Variants in VPS13D observed in about 807,000 individuals in gnomAD.
VPS13D encodes the protein intermembrane lipid transfer protein VPS13D.
In VPS13D, 187 loss-of-function variants were observed where a neutral mutation model predicts 461.9. The ratio of observed to expected loss-of-function variants is 0.40; its 90% CI spans 0.36 to 0.46. The LOEUF (loss-of-function observed/expected upper bound fraction) is 0.46. Ranked by LOEUF, VPS13D falls within the 20% of genes least tolerant of loss-of-function variation. VPS13D has a pLI of 0.60. For missense variants in VPS13D, 4,711 were observed against 5,364.9 expected (o/e 0.88, Z 3.81); for synonymous variants, 1,951 against 1,986.3 (o/e 0.98, Z 0.47).
chr1:12,310,735 C>T (rs770904379), intron 27 of VPS13D, among the ~76,000 whole-genome samples: 1 of 152,102 alleles, frequency 6.6e-6, no homozygotes, highest in Non-Finnish European at 1.5e-5. Context: ...TTACCTCATA[C>T]TAGGTTTAAG....
intron 60 of VPS13D, among the ~76,000 whole-genome samples, chr1:12,390,324 A>G (rs1372228224): frequency 2.0e-5 from 3 of 152,056 alleles, no homozygotes; most frequent in East Asian, 3.9e-4. Context: ...CCCAGCTATT[A>G]TCATCTAGTT....
In VPS13D at chr1:12,293,690, A is replaced by G. The variant is rs530181462; in HGVS notation, c.6019A>G (p.Ile2007Val). The change falls in exon 24 of 70, where the codon ATT becomes GTT. Residue 2007 changes from isoleucine (I) to valine (V), a missense_variant. Physicochemically the swap from Ile to Val is conservative, Grantham distance 29. Around this residue, in one of 3 missense-constraint regions of VPS13D, gnomAD observed 4,411 missense variants for 4,937.8 expected, o/e 0.89. Coordinates refer to ENST00000620676, the MANE Select transcript of VPS13D (RefSeq NM_015378.4). ...TGTCTTAGGGCGCCAGCGAGCTGCT[A>G]TTGAGGGGCAGACGGTAGGTAGCCT... Reference protein sequence around the residue: ...QDVLGRQRAAIEGQTVRDQAQ... With the variant: ...QDVLGRQRAAVEGQTVRDQAQ... 1.7e-5 allele frequency: 27 copies of G among 1,613,748 alleles called. No homozygotes were observed. The highest frequency in any genetic ancestry group is 2.2e-5 in the East Asian group (1 of 44,878).
intron 56 of VPS13D, 93 bp downstream of exon 56, chr1:12,378,684 A>C: frequency 1.5e-6 from 2 of 1,290,818 alleles, no homozygotes; most frequent in Non-Finnish European, 2.0e-6. Context: ...TCTATAAATA[A>C]AGTAAAAATG....
At chr1:12,478,584 C>T (rs991534066) in intron 67 of VPS13D, 7 of 347,356 alleles carry the variant, frequency 2.0e-5, no homozygotes, top group African/African-American at 1.1e-4. Flanking sequence ...AGCTGCCATT[C>T]AGAACTTGCC....
chr1:12,324,591 A>C (rs895157461), intron 35 of VPS13D, among the ~76,000 whole-genome samples: 1 of 152,188 alleles, frequency 6.6e-6, no homozygotes, highest in Non-Finnish European at 1.5e-5. Context: ...AAGTGGCTTT[A>C]ACCTCTGTGA....
intron 2 of VPS13D, among the ~76,000 whole-genome samples, chr1:12,235,080 T>C (rs1239549738): frequency 6.6e-6 from 1 of 152,252 alleles, no homozygotes; most frequent in East Asian, 1.9e-4. Flanking sequence ...TGGAGCTTTT[T>C]AACATACGTA....
At chr1:12,501,552 G>A (rs1646035557) in intron 68 of VPS13D, among the ~76,000 whole-genome samples, 1 of 152,234 alleles carries the variant, frequency 6.6e-6, no homozygotes, top group Non-Finnish European at 1.5e-5. Context: ...CATGTGTCCA[G>A]CATCCAAAGT....
At chr1:12,461,571 C>T (rs970915758) in intron 67 of VPS13D, among the ~76,000 whole-genome samples, 3 of 152,226 alleles carry the variant, frequency 2.0e-5, no homozygotes, top group African/African-American at 7.2e-5. Flanking sequence ...GAGGGGCAGG[C>T]AGTGAGGAGG....
intron 13 of VPS13D, 96 bp downstream of exon 13, chr1:12,262,176 GT>G (rs1641130730): frequency 7.2e-7 from 1 of 1,383,942 alleles, no homozygotes; most frequent in Non-Finnish European, 9.7e-7. Flanking sequence ...AGTCTAGAAA[GT>G]CAGTGCGAAA....
In VPS13D at chr1:12,451,052, C is replaced by A. The variant is rs377569581; in HGVS notation, c.12334-4946C>A. Among the ~76,000 whole-genome samples, 5 of 152,194 alleles carry A rather than the reference C, an allele frequency of 3.3e-5. 1 individual carries two copies. In the East Asian group the frequency reaches 5.8e-4, roughly 18 times the overall value. On this transcript the variant is annotated intron_variant, in intron 65 of 69. Transcript: ENST00000620676. ...CAGCTCCTGTTACACTGGCCAAATG[C>A]CTTTGGCACCCCATGCTTGCTGAAG...
Position 12,509,448 on chromosome 1 carries a change from C to G in VPS13D, c.*424C>G, listed in dbSNP as rs1267873088. The G allele has an allele frequency of 6.5e-6, 1 of 154,154 alleles. No homozygotes were observed. Among genetic ancestry groups the G allele is most frequent in the Non-Finnish European group, 1.4e-5 (1 of 69,160 alleles). The allele number at this position is 154,154 out of a possible 1,614,324, so 9.5% of individuals were successfully genotyped here. A position where few individuals can be genotyped will look rare whatever the true frequency, so the allele number is the denominator to read the frequency against. On this transcript the variant is annotated 3_prime_UTR_variant, in exon 70 of 70. Transcript: ENST00000620676. ...TATTGGATCTTCTATTGCACTAATT[C>G]TAGATGTCTAATTCAGGATACTGTC...
At chr1:12,318,028 T>C (rs371442068) in intron 30 of VPS13D, 44 bp from the exon 31 acceptor site, 17 of 1,558,156 alleles carry the variant, frequency 1.1e-5, no homozygotes, top group African/African-American at 2.7e-5. Flanking sequence ...GAAATAACCA[T>C]GTTTCTTTTT....
rs1038784852 is a variant in VPS13D at position 12,373,949 on chromosome 1, A to G, written c.10917+91A>G. 4 of 981,346 alleles carry G rather than the reference A, an allele frequency of 4.1e-6. No homozygotes were observed. In the African/African-American group the frequency reaches 6.9e-5, roughly 17 times the overall value. The allele number at this position is 981,346 out of a possible 1,614,324, so 60.8% of individuals were successfully genotyped here. ...CCCAGTGCAGAGTCCTTATTTCATG[A>G]TGAGGCCATAGGGACTTGTGTGGAA... On this transcript the variant is annotated intron_variant, in intron 55 of 69. Transcript: ENST00000620676.
intron 65 of VPS13D, among the ~76,000 whole-genome samples, chr1:12,452,703 A>C (rs184121045): frequency 6.6e-6 from 1 of 152,230 alleles, no homozygotes; most frequent in South Asian, 2.1e-4. Flanking sequence ...CACTGTATCC[A>C]TCATTTGGCT....
At position 12,261,824 on chromosome 1, in the gene VPS13D, CTG is replaced by C. The variant is rs1178167214; in HGVS notation, c.1415-74_1415-73del. On this transcript the variant is annotated intron_variant, in intron 12 of 69. Coordinates refer to ENST00000620676, the MANE Select transcript of VPS13D (RefSeq NM_015378.4). ...AAATAGTTAAATAACATCATCATAACTGTGATCAGTCTGCTTGCTGGTGCTTT... is the reference window on the plus strand; with the variant it reads ...AAATAGTTAAATAACATCATCATAACTGATCAGTCTGCTTGCTGGTGCTTT... The C allele has an allele frequency of 4.8e-5, 60 of 1,250,918 alleles. No homozygotes were observed. In the African/African-American group the frequency reaches 7.8e-4, roughly 16 times the overall value. 77.5% of individuals were successfully genotyped at this position (1,250,918 alleles called of 1,614,324 possible). A position where few individuals can be genotyped will look rare whatever the true frequency, so the allele number is the denominator to read the frequency against.
intron 65 of VPS13D, among the ~76,000 whole-genome samples, chr1:12,441,324 G>A (rs762836965): frequency 2.0e-5 from 3 of 152,124 alleles, no homozygotes; most frequent in Non-Finnish European, 2.9e-5. Flanking sequence ...TATTGCACTC[G>A]AACTGTGTTT....
chr1:12,494,914 C>G (rs528560178), intron 67 of VPS13D, among the ~76,000 whole-genome samples: 1 of 152,174 alleles, frequency 6.6e-6, no homozygotes, highest in South Asian at 2.1e-4. Context: ...AATTAATGGC[C>G]CTTATACCGT....
At chr1:12,260,426 C>T (rs1176012351) in intron 10 of VPS13D, among the ~76,000 whole-genome samples, 1 of 151,232 alleles carries the variant, frequency 6.6e-6, no homozygotes, top group African/African-American at 2.4e-5. Context: ...TTTTTTTTTT[C>T]CCCTTCTTTC....
chr1:12,491,579 T>G (rs1645882094), intron 67 of VPS13D, among the ~76,000 whole-genome samples: 1 of 152,216 alleles, frequency 6.6e-6, no homozygotes, highest in Non-Finnish European at 1.5e-5. Flanking sequence ...CATGAGTTGT[T>G]ACTACTCTGA....
Sources: allele counts gnomAD v4.1 joint callset (sites outside exome capture counted in the v4.1 genomes callset), GRCh38; gene constraint gnomAD v4.1.1; regional missense constraint gnomAD v4.1.1; transcripts MANE v1.5; gene names NCBI Gene and HGNC (gene_info 2026-07-23, HGNC 2026-07-21).